Variants in CDK19 observed in about 807,000 individuals in gnomAD.
The protein encoded by CDK19 is cyclin dependent kinase 19, also known as cyclin-dependent kinase 19.
In CDK19, 20 loss-of-function variants were observed where a neutral mutation model predicts 68.3. The ratio of observed to expected loss-of-function variants is 0.29; its 90% CI spans 0.21 to 0.43. The LOEUF (loss-of-function observed/expected upper bound fraction) is 0.43, where lower values mean the gene tolerates loss of function less well. Ranked by LOEUF, CDK19 falls within the 20% of genes least tolerant of loss-of-function variation. The probability of loss-of-function intolerance (pLI) is 1.00; values close to 1 mark genes in which losing one functional copy is unlikely to be tolerated. For synonymous variants in CDK19, 221 were observed against 222.8 expected (o/e 0.99, Z 0.07); for missense variants, 339 against 623.5 (o/e 0.54, Z 4.86).
intron 1 of CDK19, among the ~76,000 whole-genome samples, chr6:110,798,568 T>C (rs532491289): frequency 7.2e-6 from 1 of 138,666 alleles, no homozygotes; most frequent in African/African-American, 2.7e-5. Context: ...GAGGTTGCAG[T>C]GAGCCAAGAT....
In CDK19 at chr6:110,634,436, A is replaced by G. The variant is rs200464655; in HGVS notation, c.515-2275T>C. Reference sequence around the variant, plus strand: ...TTTCACCATGTTGGCCAGGCTGGTCATGAACTCCTGACCTCAAGTGATCTG... The same window carrying G: ...TTTCACCATGTTGGCCAGGCTGGTCGTGAACTCCTGACCTCAAGTGATCTG... On this transcript the variant is annotated intron_variant, in intron 5 of 12. Coordinates refer to ENST00000368911, the MANE Select transcript of CDK19 (RefSeq NM_015076.5). 2.6e-5 allele frequency among the ~76,000 whole-genome samples: 4 copies of G among 152,100 alleles called. No homozygotes were observed. The East Asian group carries it at 5.8e-4, about 22-fold the overall frequency.
chr6:110,722,900 A>C (rs1776012377), intron 2 of CDK19, among the ~76,000 whole-genome samples: 1 of 152,024 alleles, frequency 6.6e-6, no homozygotes. Context: ...TCTATCTCTA[A>C]TGTTATTATA....
intron 1 of CDK19, among the ~76,000 whole-genome samples, chr6:110,749,456 G>A (rs1778310558): frequency 6.6e-6 from 1 of 151,872 alleles, no homozygotes; most frequent in African/African-American, 2.4e-5. Context: ...AACTTCATGG[G>A]CTCAGATGAT....
intron 2 of CDK19, among the ~76,000 whole-genome samples, chr6:110,719,983 C>G (rs1205747289): frequency 3.0e-5 from 3 of 100,596 alleles, no homozygotes; most frequent in African/African-American, 7.5e-5. Flanking sequence ...CCCCCCCCCC[C>G]CCACCCCCCC....
At chr6:110,673,740 A>G (rs1295984299) in intron 2 of CDK19, among the ~76,000 whole-genome samples, 1 of 152,118 alleles carries the variant, frequency 6.6e-6, no homozygotes, top group Non-Finnish European at 1.5e-5. Flanking sequence ...TTTAAAGAAA[A>G]AAATAAAAAT....
At chr6:110,676,779 T>C (rs1274758132) in intron 2 of CDK19, among the ~76,000 whole-genome samples, 1 of 152,236 alleles carries the variant, frequency 6.6e-6, no homozygotes, top group African/African-American at 2.4e-5. Context: ...CTGTAAACTA[T>C]AGTATAATAA....
intron 2 of CDK19, among the ~76,000 whole-genome samples, chr6:110,687,581 G>A (rs1247104591): frequency 5.9e-5 from 9 of 152,170 alleles, no homozygotes; most frequent in African/African-American, 2.2e-4. Flanking sequence ...AGAAAACTGG[G>A]TACGTGTTAT....
At chr6:110,673,522 T>C (rs1771195372) in intron 2 of CDK19, among the ~76,000 whole-genome samples, 1 of 151,908 alleles carries the variant, frequency 6.6e-6, no homozygotes, top group Admixed American at 6.6e-5. Context: ...GGAACCACCA[T>C]ATAGGTCATT....
At chr6:110,688,997 G>A (rs886566095) in intron 2 of CDK19, among the ~76,000 whole-genome samples, 38 of 152,236 alleles carry the variant, frequency 2.5e-4, no homozygotes, top group African/African-American at 8.9e-4. Flanking sequence ...TCCAGGTAAG[G>A]CTTATACCCT....
intron 1 of CDK19, among the ~76,000 whole-genome samples, chr6:110,797,984 C>CAAAAAAA (rs56710819): frequency 2.3e-5 from 2 of 87,254 alleles, no homozygotes; most frequent in Non-Finnish European, 4.6e-5. Flanking sequence ...GACTCCGTCT[C>CAAAAAAA]AAAAAAAAAA....
intron 1 of CDK19, among the ~76,000 whole-genome samples, chr6:110,750,227 T>C (rs954895764): frequency 2.7e-5 from 4 of 145,654 alleles, no homozygotes; most frequent in Non-Finnish European, 4.6e-5. Flanking sequence ...AGGAAGTTAC[T>C]GTGATGTAAG....
At chr6:110,671,004 A>G (rs1233010060) in intron 2 of CDK19, among the ~76,000 whole-genome samples, 3 of 152,158 alleles carry the variant, frequency 2.0e-5, no homozygotes, top group Non-Finnish European at 4.4e-5. Flanking sequence ...TGCTCAAGAA[A>G]CAGGCGACAA....
chr6:110,648,099 A>G (rs1186381325), intron 4 of CDK19, among the ~76,000 whole-genome samples: 1 of 152,212 alleles, frequency 6.6e-6, no homozygotes, highest in Non-Finnish European at 1.5e-5. Flanking sequence ...ACAGGCACAC[A>G]CTAAAAACTA....
At chr6:110,678,229 C>G (rs2114497350) in intron 2 of CDK19, among the ~76,000 whole-genome samples, 1 of 152,100 alleles carries the variant, frequency 6.6e-6, no homozygotes, top group Admixed American at 6.6e-5. Context: ...TTTAAGTGAT[C>G]TCATCTAGTC....
At chr6:110,715,467 T>C (rs1353150805) in intron 2 of CDK19, among the ~76,000 whole-genome samples, 1 of 152,164 alleles carries the variant, frequency 6.6e-6, no homozygotes, top group Non-Finnish European at 1.5e-5. Context: ...TACTCTGTCA[T>C]TCATTTTGTG....
At position 110,614,550 on chromosome 6, in the gene CDK19, C is replaced by T. The variant is rs772897560; in HGVS notation, c.1494G>A (p.Gln498=). Residue 498 remains glutamine, a synonymous_variant, in exon 13 of 13, where the codon CAG becomes CAA. Transcript: ENST00000368911. ...CGGGAGCTGGTCAGTACCGGTGGGC[C>T]TGGTGAGATGGGTGGTACTGTGAGC... ...QQSSQYHPSH[Q]AHRY is the part of the protein sequence containing the mutation. 4.3e-6 allele frequency: 7 copies of T among 1,613,782 alleles called. No individual in the cohort carries two copies. In the African/African-American group the frequency reaches 9.3e-5, roughly 22 times the overall value.
chr6:110,645,764 G>T, intron 4 of CDK19: 1 of 563,196 alleles, frequency 1.8e-6, no homozygotes, highest in South Asian at 1.7e-5. Context: ...CATGGACAAT[G>T]AGCGGCTGTT....
At chr6:110,756,231 AAT>A (rs1003572556) in intron 1 of CDK19, among the ~76,000 whole-genome samples, 4 of 152,104 alleles carry the variant, frequency 2.6e-5, no homozygotes, top group African/African-American at 9.7e-5. Context: ...CTCTACTAAA[AAT>A]ACAAAAATTA....
intron 2 of CDK19, among the ~76,000 whole-genome samples, chr6:110,693,893 T>C (rs986517829): frequency 8.0e-4 from 121 of 152,130 alleles, no homozygotes; most frequent in African/African-American, 2.8e-3. Context: ...TATCCATAAA[T>C]GAAGGGGAGA....
Sources: gnomAD v4.1 joint callset for allele counts (sites outside exome capture counted in the v4.1 genomes callset) on GRCh38, gnomAD v4.1.1 for gene constraint, MANE v1.5 for transcripts, NCBI Gene and HGNC (gene_info 2026-07-23, HGNC 2026-07-21) for gene names.